The following MYO16 variants were observed in gnomAD, a reference collection of about 807,000 sequenced individuals.
MYO16 encodes the protein unconventional myosin-XVI.
In MYO16, 94 loss-of-function variants were observed where a neutral mutation model predicts 205.3. The observed-to-expected ratio is 0.46, with a 90% confidence interval of 0.39 to 0.54. The LOEUF is 0.54. Ranked by LOEUF, MYO16 falls within the 20% of genes least tolerant of loss-of-function variation. The pLI, the probability that MYO16 is intolerant of heterozygous loss-of-function variation, is 0.00. For synonymous variants in MYO16, 988 were observed against 954.0 expected (o/e 1.04, Z -0.66); for missense variants, 2,315 against 2,387.5 (o/e 0.97, Z 0.63).
chr13:108,769,095 A>C (rs1023524064), intron 4 of MYO16, among the ~76,000 whole-genome samples: 1 of 152,232 alleles, frequency 6.6e-6, no homozygotes, highest in African/African-American at 2.4e-5. Flanking sequence ...GCAATCCAGG[A>C]GGGTATACTA....
intron 23 of MYO16, among the ~76,000 whole-genome samples, chr13:109,044,848 C>A (rs1229980354): frequency 2.0e-5 from 3 of 152,108 alleles, no homozygotes; most frequent in Admixed American, 6.6e-5. Context: ...TGTCACCACA[C>A]CCAGCTAATT....
chr13:108,524,206 A>C, the MYO16 span, among the ~76,000 whole-genome samples: 5 of 152,138 alleles, frequency 3.3e-5, no homozygotes, highest in Admixed American at 2.6e-4. Flanking sequence ...AGGCTGAGGC[A>C]GGAGAATAGC....
At chr13:108,676,060 T>C (rs1437700035) in intron 2 of MYO16, among the ~76,000 whole-genome samples, 2 of 152,196 alleles carry the variant, frequency 1.3e-5, no homozygotes, top group Admixed American at 1.3e-4. Context: ...TTAAGAGATA[T>C]TATCAGAGTC....
At chr13:108,582,188 C>A in the MYO16 span, among the ~76,000 whole-genome samples, 4,063 of 152,108 alleles carry the variant, frequency 0.027, 169 homozygotes, top group African/African-American at 0.091. Flanking sequence ...ATTTTTGGGA[C>A]CTTCTCTTGA....
chr13:108,850,345 C>T (rs74119661), intron 10 of MYO16, among the ~76,000 whole-genome samples: 4,934 of 152,302 alleles, frequency 0.032, 260 homozygotes, highest in African/African-American at 0.11. Flanking sequence ...ACAATGGAGA[C>T]GAGGGATCAG....
chr13:108,520,709 A>G, the MYO16 span, among the ~76,000 whole-genome samples: 1 of 152,238 alleles, frequency 6.6e-6, no homozygotes, highest in Admixed American at 6.5e-5. Context: ...ACCCTGTAGT[A>G]TGGATGCATA....
At chr13:108,858,019 T>A (rs911434348) in intron 11 of MYO16, among the ~76,000 whole-genome samples, 4 of 152,204 alleles carry the variant, frequency 2.6e-5, no homozygotes, top group Non-Finnish European at 4.4e-5. Context: ...ATGCTTTACA[T>A]TATGGTGTCT....
the MYO16 span, among the ~76,000 whole-genome samples, chr13:108,574,636 C>A: frequency 1.3e-5 from 2 of 150,314 alleles, no homozygotes; most frequent in East Asian, 3.9e-4. Flanking sequence ...AAATCTTCTC[C>A]CTTTCCACAG....
At chr13:108,648,464 G>A (rs867360897) in intron 1 of MYO16, among the ~76,000 whole-genome samples, 1 of 152,204 alleles carries the variant, frequency 6.6e-6, no homozygotes, top group South Asian at 2.1e-4. Context: ...TGTTTATGAA[G>A]AATTGACTGA....
chr13:109,085,569 A>G (rs1252862540), intron 27 of MYO16, among the ~76,000 whole-genome samples: 1 of 152,216 alleles, frequency 6.6e-6, no homozygotes, highest in Non-Finnish European at 1.5e-5. Flanking sequence ...AGGAAATTCA[A>G]TACATAGGTG....
chr13:108,818,363 G>A (rs1425247079), intron 7 of MYO16, among the ~76,000 whole-genome samples: 2 of 144,162 alleles, frequency 1.4e-5, no homozygotes, highest in Admixed American at 1.5e-4. Context: ...CAGCCTGGGT[G>A]AGAAAGTGAA....
chr13:109,050,650 T>G (rs556612270), intron 24 of MYO16, among the ~76,000 whole-genome samples: 1 of 152,320 alleles, frequency 6.6e-6, no homozygotes, highest in South Asian at 2.1e-4. Flanking sequence ...TTTGATTTTC[T>G]TACCCCATCT....
chr13:108,659,648 A>G (rs1461468015), intron 1 of MYO16, among the ~76,000 whole-genome samples: 1 of 152,182 alleles, frequency 6.6e-6, no homozygotes. Flanking sequence ...GCATTTCTGT[A>G]AGAGCAGGAC....
intron 16 of MYO16, among the ~76,000 whole-genome samples, chr13:108,932,562 G>C (rs1023113573): frequency 6.6e-6 from 1 of 152,150 alleles, no homozygotes; most frequent in South Asian, 2.1e-4. Context: ...ATCAGGTGAC[G>C]TGTGCAGTCT....
intron 1 of MYO16, among the ~76,000 whole-genome samples, chr13:108,652,487 C>A (rs1370457345): frequency 6.6e-6 from 1 of 152,186 alleles, no homozygotes; most frequent in East Asian, 1.9e-4. Flanking sequence ...AGTATATTCT[C>A]ATTGTTATGA....
At chr13:109,185,916 G>T (rs985514516) in intron 34 of MYO16, among the ~76,000 whole-genome samples, 2 of 152,114 alleles carry the variant, frequency 1.3e-5, no homozygotes, top group African/African-American at 4.8e-5. Context: ...AGATTATTCT[G>T]CAAACAGCTT....
intron 20 of MYO16, among the ~76,000 whole-genome samples, chr13:108,983,002 A>G (rs1884499398): frequency 6.6e-6 from 1 of 152,126 alleles, no homozygotes; most frequent in Non-Finnish European, 1.5e-5. Flanking sequence ...TTTTTAATTA[A>G]GAAAAAAAAA....
intron 1 of MYO16, among the ~76,000 whole-genome samples, chr13:108,605,794 A>T (rs534806432): frequency 1.3e-5 from 2 of 152,220 alleles, no homozygotes; most frequent in Non-Finnish European, 2.9e-5. Flanking sequence ...GCGCTGCTAT[A>T]AAGTTACCTG....
At chr13:108,853,897 A>G (rs1207093122) in intron 10 of MYO16, among the ~76,000 whole-genome samples, 1 of 151,616 alleles carries the variant, frequency 6.6e-6, no homozygotes, top group African/African-American at 2.4e-5. Flanking sequence ...ACTAGAGTTC[A>G]TAAAAAAAAT....
Sources: gnomAD v4.1 joint callset for allele counts (sites outside exome capture counted in the v4.1 genomes callset) on GRCh38, gnomAD v4.1.1 for gene constraint, MANE v1.5 for transcripts, NCBI Gene and HGNC (gene_info 2026-07-23, HGNC 2026-07-21) for gene names.